KLHL1: variants seen among roughly 807,000 people sequenced by gnomAD.
KLHL1 encodes the protein kelch like family member 1.
In KLHL1, 47 loss-of-function variants were observed where a neutral mutation model predicts 77.7. The ratio of observed to expected loss-of-function variants is 0.60; its 90% CI spans 0.48 to 0.77. The LOEUF is 0.77. Among genes scored for constraint, KLHL1 ranks in the 30% least tolerant of loss-of-function variants. The pLI is 0.00. For missense variants in KLHL1, 925 were observed against 910.8 expected (o/e 1.02, Z -0.20); for synonymous variants, 360 against 325.2 (o/e 1.11, Z -1.15).
intron 1 of KLHL1, among the ~76,000 whole-genome samples, chr13:70,002,572 A>C (rs1885320437): frequency 6.6e-6 from 1 of 151,606 alleles, no homozygotes; most frequent in Admixed American, 6.6e-5. Context: ...AAGTTCCAAA[A>C]TTTAACTTAT....
chr13:69,753,017 G>C (rs781619259), intron 7 of KLHL1, among the ~76,000 whole-genome samples: 2 of 152,094 alleles, frequency 1.3e-5, no homozygotes, highest in Non-Finnish European at 2.9e-5. Context: ...TGGAGACTTT[G>C]CCTCTAGGAT....
intron 1 of KLHL1, among the ~76,000 whole-genome samples, chr13:70,095,595 T>C (rs773637260): frequency 2.0e-5 from 3 of 152,170 alleles, no homozygotes; most frequent in Non-Finnish European, 2.9e-5. Flanking sequence ...CATATGATAC[T>C]TTAATACAAG....
chr13:70,061,301 T>G lies in KLHL1; in HGVS notation c.497+45902A>C, dbSNP rs145499177. On this transcript the variant is annotated intron_variant, in intron 1 of 10. Coordinates refer to ENST00000377844, the MANE Select transcript of KLHL1 (RefSeq NM_020866.3). Reference sequence around the variant, plus strand: ...GGACTCACAATTAAAAGCCTTGGGTTTTGTCCTTACTCCCCTTTCCTTGGC... The same window carrying G: ...GGACTCACAATTAAAAGCCTTGGGTGTTGTCCTTACTCCCCTTTCCTTGGC... Among the ~76,000 whole-genome samples the G allele has an allele frequency of 3.3e-5, 5 of 152,218 alleles. No individual in the cohort carries two copies. In the East Asian group the frequency reaches 9.7e-4, roughly 29 times the overall value.
chr13:69,917,428 A>G (rs183611593), intron 4 of KLHL1, among the ~76,000 whole-genome samples: 1 of 152,088 alleles, frequency 6.6e-6, no homozygotes, highest in Non-Finnish European at 1.5e-5. Context: ...AACTGCCTAT[A>G]AAACTGACCT....
At chr13:69,933,493 A>G (rs528819335) in intron 4 of KLHL1, among the ~76,000 whole-genome samples, 18 of 152,114 alleles carry the variant, frequency 1.2e-4, no homozygotes, top group Non-Finnish European at 2.5e-4. Context: ...GGTATTTTAA[A>G]ACCATGATCA....
intron 4 of KLHL1, among the ~76,000 whole-genome samples, chr13:69,913,529 T>A (rs1882312562): frequency 6.6e-6 from 1 of 152,334 alleles, no homozygotes; most frequent in Admixed American, 6.5e-5. Context: ...TCAGTTTTGT[T>A]GTTTCAGTGA....
Position 69,913,278 on chromosome 13 carries a change from G to A in KLHL1, c.1014+26762C>T, listed in dbSNP as rs141566650. 5.7e-3 allele frequency among the ~76,000 whole-genome samples: 871 copies of A among 152,314 alleles called. 8 individuals carry two copies. Among genetic ancestry groups the A allele is most frequent in the African/African-American group, 0.02 (813 of 41,572 alleles). On this transcript the variant is annotated intron_variant, in intron 4 of 10. Transcript: ENST00000377844. ...CACAGCATTTCTCCAGCAAGCCCAA[G>A]TTTGGCTTCCCAGGAGGCAGGGAGC... is the stretch of plus-strand genomic sequence containing the variant.
intron 1 of KLHL1, among the ~76,000 whole-genome samples, chr13:70,010,152 T>A (rs1289333536): frequency 6.6e-6 from 1 of 151,366 alleles, no homozygotes; most frequent in African/African-American, 2.4e-5. Context: ...GGCAGGAAAC[T>A]TTTTTCTGTA....
chr13:69,826,977 A>G (rs1878574088), intron 6 of KLHL1, among the ~76,000 whole-genome samples: 2 of 147,356 alleles, frequency 1.4e-5, no homozygotes, highest in South Asian at 4.2e-4. Context: ...CTGGACATTC[A>G]TATGTACATT....
At chr13:69,911,081 T>C (rs1203347980) in intron 4 of KLHL1, among the ~76,000 whole-genome samples, 1 of 152,054 alleles carries the variant, frequency 6.6e-6, no homozygotes, top group Non-Finnish European at 1.5e-5. Context: ...CTGCTAGCAT[T>C]CCCTAGAATT....
At chr13:70,016,720 G>T (rs554557908) in intron 1 of KLHL1, among the ~76,000 whole-genome samples, 1 of 152,172 alleles carries the variant, frequency 6.6e-6, no homozygotes, top group Non-Finnish European at 1.5e-5. Context: ...GAAGCAGGAG[G>T]CAGACAGGCT....
intron 1 of KLHL1, among the ~76,000 whole-genome samples, chr13:70,086,958 A>AG (rs1254900547): frequency 6.6e-6 from 1 of 152,258 alleles, no homozygotes; most frequent in South Asian, 2.1e-4. Flanking sequence ...AATATGGGTC[A>AG]GGGGGGAATG....
chr13:69,890,667 G>A (rs571100106), intron 4 of KLHL1, among the ~76,000 whole-genome samples: 1 of 147,942 alleles, frequency 6.8e-6, no homozygotes, highest in Non-Finnish European at 1.5e-5. Context: ...CACACACACA[G>A]ATATATGTAT....
chr13:70,095,829 A>ACC lies in KLHL1; in HGVS notation c.497+11372_497+11373dup, dbSNP rs34395344. Among the ~76,000 whole-genome samples, 57 of 148,556 alleles carry ACC rather than the reference A, an allele frequency of 3.8e-4. 1 individual carries two copies. The South Asian group carries it at 0.011, about 30-fold the overall frequency. ...TTGAATAACTGTCCCTTCTCCCTCC[A>ACC]CCCCCCCCACCACACTCGCTAATAC... On this transcript the variant is annotated intron_variant, in intron 1 of 10. Transcript: ENST00000377844.
chr13:69,827,969 G>A (rs989489133), intron 6 of KLHL1, among the ~76,000 whole-genome samples: 7 of 150,088 alleles, frequency 4.7e-5, no homozygotes, highest in African/African-American at 1.5e-4. Flanking sequence ...TTTTGTATAT[G>A]GTGGTGTTTG....
intron 1 of KLHL1, among the ~76,000 whole-genome samples, chr13:70,075,979 A>C (rs951093616): frequency 1.3e-5 from 2 of 151,380 alleles, no homozygotes; most frequent in African/African-American, 4.9e-5. Flanking sequence ...TCTGAGGACA[A>C]ATATCAAAGC....
chr13:69,955,262 C>T (rs1355937414), intron 3 of KLHL1, among the ~76,000 whole-genome samples: 1 of 151,342 alleles, frequency 6.6e-6, no homozygotes, highest in Non-Finnish European at 1.5e-5. Context: ...GGACATTAAA[C>T]ATCTCAGCCC....
At chr13:70,085,678 A>G (rs1887518885) in intron 1 of KLHL1, among the ~76,000 whole-genome samples, 1 of 152,132 alleles carries the variant, frequency 6.6e-6, no homozygotes, top group Non-Finnish European at 1.5e-5. Context: ...AGCCTGGCCA[A>G]ATAGGTGAAA....
At chr13:70,028,317 C>T (rs1886008282) in intron 1 of KLHL1, among the ~76,000 whole-genome samples, 1 of 151,938 alleles carries the variant, frequency 6.6e-6, no homozygotes, top group Admixed American at 6.6e-5. Flanking sequence ...CCATGGACAG[C>T]CAAAAATATG....
Sources: gnomAD v4.1 joint callset for allele counts (sites outside exome capture counted in the v4.1 genomes callset) on GRCh38, gnomAD v4.1.1 for gene constraint, MANE v1.5 for transcripts, NCBI Gene and HGNC (gene_info 2026-07-23, HGNC 2026-07-21) for gene names.